Variants in ADCY5 observed in about 807,000 individuals in gnomAD.
ADCY5 encodes the protein adenylate cyclase type 5.
ADCY5 carries 30 observed loss-of-function variants against 119.7 expected under a neutral mutation model. The ratio of observed to expected loss-of-function variants is 0.25; its 90% confidence interval spans 0.19 to 0.34. The LOEUF (loss-of-function observed/expected upper bound fraction) is 0.34. Among genes scored for constraint, ADCY5 ranks in the 10% least tolerant of loss-of-function variants. The pLI is 1.00. For synonymous variants in ADCY5, 753 were observed against 762.2 expected, an observed-to-expected ratio of 0.99 and a Z score of 0.20; for missense variants, 1,324 against 1,775.2, an observed-to-expected ratio of 0.75 and a Z score of 4.57.
Position 123,372,942 on chromosome 3 carries a change from C to G in ADCY5, c.1135-20361G>C, listed in dbSNP as rs1269328781. Among the ~76,000 whole-genome samples, 6 of 152,286 alleles carry G rather than the reference C, an allele frequency of 3.9e-5. No individual in the cohort carries two copies. In the East Asian group the frequency reaches 1.2e-3, roughly 29 times the overall value. On this transcript the variant is annotated intron_variant, in intron 1 of 20. Transcript: ENST00000462833. ...CAACAAAGCCACCTTTGAACCCAGACAAGCTGAACCCTGACAAGCAGAGGA... is the reference window on the plus strand; with the variant it reads ...CAACAAAGCCACCTTTGAACCCAGAGAAGCTGAACCCTGACAAGCAGAGGA...
At chr3:123,290,045 G>T in intron 18 of ADCY5, 91 bp from the exon 19 acceptor site, 1 of 1,303,164 alleles carries the variant, frequency 7.7e-7, no homozygotes, top group Non-Finnish European at 1.1e-6. Context: ...AAGTGCAGCA[G>T]CATGGCCCTT....
chr3:123,329,341 C>G (rs1401826705), intron 5 of ADCY5, among the ~76,000 whole-genome samples: 2 of 151,922 alleles, frequency 1.3e-5, no homozygotes, highest in African/African-American at 2.4e-5. Flanking sequence ...GGAAGGGGAG[C>G]CTGGGCAGGT....
At chr3:123,444,792 A>G (rs1945784892) in intron 1 of ADCY5, among the ~76,000 whole-genome samples, 2 of 152,210 alleles carry the variant, frequency 1.3e-5, no homozygotes, top group African/African-American at 4.8e-5. Context: ...TATGTGTCCA[A>G]GCCACCGAAG....
At chr3:123,388,820 G>A (rs528622353) in intron 1 of ADCY5, among the ~76,000 whole-genome samples, 1 of 152,190 alleles carries the variant, frequency 6.6e-6, no homozygotes, top group Non-Finnish European at 1.5e-5. Context: ...TCACCATGAG[G>A]GTCCTCTGTG....
Position 123,447,523 on chromosome 3 carries a change from CGTGTAGATG to C in ADCY5, c.1014_1022del (p.Ile339_Thr341del), listed in dbSNP as rs1279538989. On this transcript the variant is annotated inframe_deletion, in exon 1 of 21. Coordinates refer to ENST00000462833, the MANE Select transcript of ADCY5 (RefSeq NM_183357.3). ...CGGCCCGCATGCGCACGGGCAGCAGCGTGTAGATGGTGTAGATGAAGAACACGGTCCACC... is the reference window on the plus strand; with the variant it reads ...CGGCCCGCATGCGCACGGGCAGCAGCGTGTAGATGAAGAACACGGTCCACC... 6.2e-7 allele frequency: 1 copy of C among 1,611,036 alleles called. No individual in the cohort carries two copies. Among genetic ancestry groups the C allele is most frequent in the Non-Finnish European group, 8.5e-7 (1 of 1,179,670 alleles).
intron 1 of ADCY5, among the ~76,000 whole-genome samples, chr3:123,422,715 T>A (rs1300123134): frequency 6.6e-6 from 1 of 152,146 alleles, no homozygotes; most frequent in Non-Finnish European, 1.5e-5. Flanking sequence ...TCCTCCCAGA[T>A]CATAGGATAA....
Position 123,440,463 on chromosome 3 carries a change from C to G in ADCY5, c.1134+6949G>C, listed in dbSNP as rs544878584. Among the ~76,000 whole-genome samples, 45 of 145,620 alleles carry G rather than the reference C, an allele frequency of 3.1e-4. No homozygotes were observed. The South Asian group carries it at 4.8e-3, about 15-fold the overall frequency. ...TCCTTGTGTTTGTTTGTCTAACCAC[C>G]CCCCCTTTCTCTTGTGACCATATCT... On this transcript the variant is annotated intron_variant, in intron 1 of 20. Coordinates refer to ENST00000462833, the MANE Select transcript of ADCY5 (RefSeq NM_183357.3).
chr3:123,383,852 G>A (rs922676351), intron 1 of ADCY5, among the ~76,000 whole-genome samples: 6 of 149,352 alleles, frequency 4.0e-5, no homozygotes, highest in Admixed American at 3.3e-4. Flanking sequence ...ACTTCCTCAA[G>A]GCACGCACAC....
chr3:123,366,468 C>CT (rs1257121556), intron 1 of ADCY5, among the ~76,000 whole-genome samples: 1 of 152,194 alleles, frequency 6.6e-6, no homozygotes, highest in African/African-American at 2.4e-5. Context: ...CTCTCTGTGG[C>CT]TTTCAGAAAC....
intron 2 of ADCY5, among the ~76,000 whole-genome samples, chr3:123,350,566 C>T (rs1274421832): frequency 5.3e-5 from 8 of 152,132 alleles, no homozygotes; most frequent in African/African-American, 1.9e-4. Context: ...GGCAGGGGGC[C>T]GCTGAGGAAC....
rs1178764027 is a variant in ADCY5, at chr3:123,448,106, C to T, written c.440G>A (p.Gly147Asp). 2.6e-6 allele frequency: 3 copies of T among 1,139,724 alleles called. No homozygotes were observed. The highest frequency in any genetic ancestry group is 9.7e-5 in the Admixed American group (2 of 20,542). The allele number at this position is 1,139,724 out of a possible 1,614,324, so 70.6% of individuals were successfully genotyped here. The change falls in exon 1 of 21, where the codon GGC (glycine) becomes GAC (aspartate). Residue 147 changes from glycine to aspartate, a missense_variant. This residue lies in a region of ADCY5 where 585 missense variants were observed against 569.9 expected (regional missense o/e 1.03). Coordinates refer to ENST00000462833, the MANE Select transcript of ADCY5 (RefSeq NM_183357.3). Reference sequence around the variant, plus strand: ...CGAGCGAGGGCGCACCTCCGTCCCGCCCGCCGAGGCAGCCGCCGCCGCCGA... The same window carrying T: ...CGAGCGAGGGCGCACCTCCGTCCCGTCCGCCGAGGCAGCCGCCGCCGCCGA... Reference protein sequence around the residue: ...GGSAAAAASAGGTEVRPRSVE... With the variant: ...GGSAAAAASADGTEVRPRSVE...
intron 3 of ADCY5, among the ~76,000 whole-genome samples, chr3:123,346,813 A>G (rs1942590468): frequency 6.6e-6 from 1 of 152,142 alleles, no homozygotes. Flanking sequence ...CCGGAAGGCA[A>G]ACACAGCAGC....
intron 19 of ADCY5, among the ~76,000 whole-genome samples, chr3:123,287,674 T>C (rs982406090): frequency 6.6e-6 from 1 of 152,180 alleles, no homozygotes; most frequent in African/African-American, 2.4e-5. Flanking sequence ...ACGACCCTCC[T>C]CATCAGTCCT....
At chr3:123,290,995 C>T (rs1233201127) in intron 18 of ADCY5, 118 bp downstream of exon 18, 5 of 1,353,450 alleles carry the variant, frequency 3.7e-6, no homozygotes, top group Non-Finnish European at 5.0e-6. Context: ...GAGCTCCCAT[C>T]ATCACTGCTT....
At chr3:123,409,172 T>C (rs1408474671) in intron 1 of ADCY5, among the ~76,000 whole-genome samples, 1 of 152,302 alleles carries the variant, frequency 6.6e-6, no homozygotes, top group African/African-American at 2.4e-5. Context: ...GGAAAGTCTT[T>C]ATAAAATCTG....
chr3:123,319,898 C>A (rs999097982), intron 9 of ADCY5, 80 bp from the exon 10 acceptor site: 1 of 1,557,420 alleles, frequency 6.4e-7, no homozygotes, highest in South Asian at 1.2e-5. Context: ...GACCATCCCC[C>A]CAGACTCTCG....
At chr3:123,410,983 G>A (rs1240645876) in intron 1 of ADCY5, among the ~76,000 whole-genome samples, 3 of 152,062 alleles carry the variant, frequency 2.0e-5, no homozygotes, top group Non-Finnish European at 1.5e-5. Context: ...TCACCTACTG[G>A]ATACGGCCTA....
chr3:123,335,679 C>CTCTCAGCAGCT (rs1415582682), intron 3 of ADCY5, among the ~76,000 whole-genome samples: 2 of 152,154 alleles, frequency 1.3e-5, no homozygotes, highest in Non-Finnish European at 2.9e-5. Flanking sequence ...AGAGGGGTCA[C>CTCTCAGCAGCT]TCTCAGCAGC....
At position 123,293,320 on chromosome 3, in the gene ADCY5, C is replaced by A. The variant is rs1939280789; in HGVS notation, c.3064-1944G>T. Reference sequence around the variant, plus strand: ...AGCCAACTGTACAGGGGCTGCTAAGCCAGCCTGGGGGCGGGGCAGAGACTA... The same window carrying A: ...AGCCAACTGTACAGGGGCTGCTAAGACAGCCTGGGGGCGGGGCAGAGACTA... On this transcript the variant is annotated intron_variant, in intron 17 of 20. Coordinates refer to ENST00000462833, the MANE Select transcript of ADCY5 (RefSeq NM_183357.3). 2.6e-5 allele frequency among the ~76,000 whole-genome samples: 4 copies of A among 152,194 alleles called. No individual in the cohort carries two copies. In the South Asian group the frequency reaches 8.3e-4, roughly 31 times the overall value.
Sources: allele counts gnomAD v4.1 joint callset (sites outside exome capture counted in the v4.1 genomes callset), GRCh38; gene constraint gnomAD v4.1.1; regional missense constraint gnomAD v4.1.1; transcripts MANE v1.5; gene names NCBI Gene and HGNC (gene_info 2026-07-23, HGNC 2026-07-21).